FAT4: variants seen among roughly 807,000 people sequenced by gnomAD.
FAT4 encodes FAT atypical cadherin 4, also known as protocadherin Fat 4.
Under a neutral mutation model 303.9 loss-of-function variants are expected in FAT4, and 84 were observed. The observed-to-expected ratio is 0.28, with a 90% CI of 0.23 to 0.33. FAT4 has a LOEUF of 0.33. Among genes scored for constraint, FAT4 ranks in the 10% least tolerant of loss-of-function variants. The pLI is 1.00. For missense variants in FAT4, 6,005 were observed against 6,146.8 expected (o/e 0.98, Z 0.77); for synonymous variants, 2,307 against 2,298.8 (o/e 1.00, Z -0.10).
Position 125,315,065 on chromosome 4 carries a change from T to TGTGTGC in FAT4, c.-919_-914dup, listed in dbSNP as rs1354212459. On this transcript the variant is annotated 5_prime_UTR_variant, in exon 1 of 18. Transcript: ENST00000394329. ...GTTTCGGCGACGCGCTGTGTGTGTG[T>TGTGTGC]GTGTGCGTGTGTATGTGTGTGTGTG... Among the ~76,000 whole-genome samples the TGTGTGC allele has an allele frequency of 1.3e-5, 2 of 151,880 alleles. No individual in the cohort carries two copies. Among genetic ancestry groups the TGTGTGC allele is most frequent in the Non-Finnish European group, 2.9e-5 (2 of 67,918 alleles).
intron 2 of FAT4, among the ~76,000 whole-genome samples, chr4:125,367,048 AT>A (rs1224668640): frequency 1.3e-5 from 2 of 151,800 alleles, no homozygotes; most frequent in Non-Finnish European, 2.9e-5. Context: ...ATTCTGTAGG[AT>A]GTTTGTTCAC....
chr4:125,316,480 G>C lies in FAT4; in HGVS notation c.69G>C (p.Gln23His). ...CGTTGCACACTCTATCAGTATCTCA[G>C]CTCCTTCGAGTGTTTTGGCTACTGT... ...WLPLHTLSVSQLLRVFWLLSL... is the reference protein window; with the variant it reads ...WLPLHTLSVSHLLRVFWLLSL... The change falls in exon 2 of 18, where the codon CAG (glutamine) becomes CAC (histidine). Residue 23 changes from glutamine to histidine, a missense_variant. Coordinates refer to ENST00000394329, the MANE Select transcript of FAT4 (RefSeq NM_001291303.3). This position sits in a 1 kb window ranked among gnomAD's most constrained non-coding sequence, Gnocchi z 5.7. 1 of 1,613,910 alleles carries C rather than the reference G, an allele frequency of 6.2e-7. No individual in the cohort carries two copies. Among genetic ancestry groups the C allele is most frequent in the Non-Finnish European group, 8.5e-7 (1 of 1,180,028 alleles).
At chr4:125,424,695 T>G (rs1182652383) in intron 7 of FAT4, among the ~76,000 whole-genome samples, 3 of 152,216 alleles carry the variant, frequency 2.0e-5, no homozygotes, top group Non-Finnish European at 4.4e-5. Context: ...GAGGTCTCTG[T>G]CTTTATACAG....
intron 2 of FAT4, among the ~76,000 whole-genome samples, chr4:125,329,913 T>C (rs1331785080): frequency 2.0e-5 from 3 of 152,242 alleles, no homozygotes; most frequent in Non-Finnish European, 4.4e-5. Context: ...TTGTTGGCTC[T>C]GTCTTCAAAA....
chr4:125,429,350 A>C (rs1007826209), intron 7 of FAT4, among the ~76,000 whole-genome samples: 1 of 152,200 alleles, frequency 6.6e-6, no homozygotes, highest in Non-Finnish European at 1.5e-5. Flanking sequence ...AAAATTAATT[A>C]AACATAATTA....
intron 2 of FAT4, among the ~76,000 whole-genome samples, chr4:125,380,007 C>T (rs1733479680): frequency 6.6e-6 from 1 of 152,092 alleles, no homozygotes; most frequent in Non-Finnish European, 1.5e-5. Flanking sequence ...GATTCTCCTG[C>T]CTCAGCCTCC....
intron 2 of FAT4, chr4:125,394,052 G>C (rs781338855): frequency 1.3e-6 from 1 of 767,284 alleles, no homozygotes; most frequent in Non-Finnish European, 2.4e-6. Flanking sequence ...AATTGTAGCA[G>C]ATGAAACCAC....
At chr4:125,481,399 G>A (rs1016196095) in intron 15 of FAT4, 122 bp from the exon 16 acceptor site, 1 of 730,580 alleles carries the variant, frequency 1.4e-6, no homozygotes, top group Non-Finnish European at 2.3e-6. Context: ...AGTAGAGTTG[G>A]GGGACATTAA....
At chr4:125,447,678 G>A (rs1725872058) in intron 9 of FAT4, among the ~76,000 whole-genome samples, 1 of 152,020 alleles carries the variant, frequency 6.6e-6, no homozygotes, top group Admixed American at 6.6e-5. Flanking sequence ...TGCAGGTTTG[G>A]GAATGGTTTC....
chr4:125,415,153 C>A lies in FAT4; in HGVS notation c.6190C>A (p.Pro2064Thr). 1.2e-6 allele frequency: 2 copies of A among 1,614,052 alleles called. No individual in the cohort carries two copies. Among genetic ancestry groups the A allele is most frequent in the Non-Finnish European group, 1.7e-6 (2 of 1,179,984 alleles). The change falls in exon 6 of 18, where the codon CCT becomes ACT. Residue 2064 changes from proline to threonine, a missense_variant. Physicochemically the swap from Pro to Thr is conservative, Grantham distance 38. Transcript: ENST00000394329. ...ATTGACATACATTCCAGAAAATACACCTATTGATACTGTTGTTTTCAAAGC... is the reference window on the plus strand; with the variant it reads ...ATTGACATACATTCCAGAAAATACAACTATTGATACTGTTGTTTTCAAAGC... ...PKLTYIPENT[P>T]IDTVVFKAQA... is the part of the protein sequence containing the mutation.
At chr4:125,356,547 T>G (rs1454085001) in intron 2 of FAT4, among the ~76,000 whole-genome samples, 3 of 106,364 alleles carry the variant, frequency 2.8e-5, no homozygotes, top group African/African-American at 9.9e-5. Context: ...GTTTTGTTTT[T>G]TGTTTTTTTT....
intron 14 of FAT4, 97 bp from the exon 15 acceptor site, chr4:125,479,644 T>A: frequency 8.3e-7 from 1 of 1,209,444 alleles, no homozygotes; most frequent in Non-Finnish European, 1.1e-6. Flanking sequence ...AATGGAGTGC[T>A]TGAAATTAAA....
intron 2 of FAT4, among the ~76,000 whole-genome samples, chr4:125,384,534 T>C (rs1044685351): frequency 6.6e-6 from 1 of 152,198 alleles, no homozygotes; most frequent in African/African-American, 2.4e-5. Context: ...ATTGTATTAG[T>C]TCTTTATATA....
rs146139232 is a variant in FAT4, at chr4:125,444,583, A to G, written c.7200-1710A>G. Among the ~76,000 whole-genome samples, 311 of 152,278 alleles carry G rather than the reference A, an allele frequency of 2.0e-3. 2 individuals carry two copies. The highest frequency in any genetic ancestry group is 6.8e-3 in the African/African-American group (283 of 41,568). On this transcript the variant is annotated intron_variant, in intron 8 of 17. Transcript: ENST00000394329. ...GGATCATTTAGTGAAACTGGACTAA[A>G]GGCCACACCATTTGCCTATCAACAC...
At position 125,417,905 on chromosome 4, in the gene FAT4, G is replaced by C. The variant is rs149763796; in HGVS notation, c.7018+1283G>C. Among the ~76,000 whole-genome samples, 364 of 152,332 alleles carry C rather than the reference G, an allele frequency of 2.4e-3. 4 individuals are homozygous for C. Among genetic ancestry groups the C allele is most frequent in the Admixed American group, 8.1e-3 (124 of 15,292 alleles). Reference sequence around the variant, plus strand: ...ACTTTTATGAGTGATACAGAAAACAGAAGTTGTGAGGAAAGTTGAACTGGG... The same window carrying C: ...ACTTTTATGAGTGATACAGAAAACACAAGTTGTGAGGAAAGTTGAACTGGG... On this transcript the variant is annotated intron_variant, in intron 7 of 17. Transcript: ENST00000394329.
Position 125,414,989 on chromosome 4 carries a change from A to G in FAT4, c.6026A>G (p.Glu2009Gly). 2 of 1,614,072 alleles carry G rather than the reference A, an allele frequency of 1.2e-6. No homozygotes were observed. The highest frequency in any genetic ancestry group is 1.7e-6 in the Non-Finnish European group (2 of 1,179,956). Reference sequence around the variant, plus strand: ...AAAGTCCTAAAAGCTTTGGATCGGGAAAGTCAGTCCTTCTACAACTTGGTT... The same window carrying G: ...AAAGTCCTAAAAGCTTTGGATCGGGGAAGTCAGTCCTTCTACAACTTGGTT... ...VLKVLKALDR[E>G]SQSFYNLVVQ... is the part of the protein sequence containing the mutation. Residue 2009 changes from glutamate to glycine, a missense_variant, in exon 6 of 18, where the codon GAA becomes GGA. Glu to Gly is a moderately conservative substitution (Grantham distance 98, BLOSUM62 -2). Transcript: ENST00000394329.
At chr4:125,431,083 A>G (rs1463519686) in intron 7 of FAT4, among the ~76,000 whole-genome samples, 1 of 152,216 alleles carries the variant, frequency 6.6e-6, no homozygotes, top group East Asian at 1.9e-4. Flanking sequence ...TATGGTTTAC[A>G]GACAAAGAAA....
chr4:125,410,746 G>GT (rs1318903379), intron 5 of FAT4, among the ~76,000 whole-genome samples: 2 of 152,088 alleles, frequency 1.3e-5, no homozygotes, highest in African/African-American at 4.8e-5. Flanking sequence ...AAAGAATTTT[G>GT]TTTGTCAAAA....
intron 7 of FAT4, among the ~76,000 whole-genome samples, chr4:125,433,145 A>G (rs897570246): frequency 2.6e-5 from 4 of 152,170 alleles, no homozygotes; most frequent in Non-Finnish European, 5.9e-5. Flanking sequence ...ATTAGAAAAT[A>G]ATATGGTAAG....
Sources: gnomAD v4.1 joint callset for allele counts (sites outside exome capture counted in the v4.1 genomes callset) on GRCh38, gnomAD v4.1.1 for gene constraint, Gnocchi (gnomAD v3.1) non-coding constraint, MANE v1.5 for transcripts, NCBI Gene and HGNC (gene_info 2026-07-23, HGNC 2026-07-21) for gene names.